The following FNDC3B variants were observed in gnomAD, a reference collection of about 807,000 sequenced individuals.
The protein encoded by FNDC3B is fibronectin type III domain containing 3B.
Under a neutral mutation model 151.5 loss-of-function variants are expected in FNDC3B, and 12 were observed. The ratio of observed to expected loss-of-function variants is 0.08; its 90% CI spans 0.05 to 0.13. The LOEUF is 0.13. Among genes scored for constraint, FNDC3B ranks in the 10% least tolerant of loss-of-function variants. FNDC3B has a pLI of 1.00. For synonymous variants in FNDC3B, 528 were observed against 549.0 expected (o/e 0.96, Z 0.54); for missense variants, 1,214 against 1,505.3 (o/e 0.81, Z 3.20).
chr3:172,219,704 G>C (rs1726172042), intron 3 of FNDC3B, among the ~76,000 whole-genome samples: 2 of 152,172 alleles, frequency 1.3e-5, no homozygotes, highest in African/African-American at 4.8e-5. Flanking sequence ...AATATTTCGT[G>C]TAAGTGGAAT....
intron 3 of FNDC3B, among the ~76,000 whole-genome samples, chr3:172,189,339 G>A (rs1724381107): frequency 6.6e-6 from 1 of 152,074 alleles, no homozygotes; most frequent in African/African-American, 2.4e-5. Context: ...CCCACCTCCA[G>A]CCCCCTCTGC....
intron 3 of FNDC3B, among the ~76,000 whole-genome samples, chr3:172,219,847 C>T (rs1726179487): frequency 6.6e-6 from 1 of 152,184 alleles, no homozygotes; most frequent in Non-Finnish European, 1.5e-5. Flanking sequence ...TTTATCCATC[C>T]TTCTCCTGAT....
chr3:172,316,031 G>A (rs1371217468), intron 11 of FNDC3B, among the ~76,000 whole-genome samples: 4 of 123,396 alleles, frequency 3.2e-5, no homozygotes, highest in African/African-American at 1.2e-4. Flanking sequence ...TTTTGAGATG[G>A]AGTTTTACTC....
intron 25 of FNDC3B, among the ~76,000 whole-genome samples, chr3:172,386,000 G>A (rs1338439299): frequency 6.6e-6 from 1 of 152,204 alleles, no homozygotes; most frequent in Admixed American, 6.5e-5. Context: ...TGTGGGGCAA[G>A]CAGCTGATTT....
chr3:172,385,562 T>C (rs945623950), intron 25 of FNDC3B, among the ~76,000 whole-genome samples: 1 of 148,882 alleles, frequency 6.7e-6, no homozygotes, highest in African/African-American at 2.5e-5. Flanking sequence ...AGACCTTTTT[T>C]CTTTTTTTTT....
intron 25 of FNDC3B, among the ~76,000 whole-genome samples, chr3:172,386,481 G>A (rs1735714348): frequency 6.6e-6 from 1 of 152,190 alleles, no homozygotes; most frequent in South Asian, 2.1e-4. Context: ...GGTGGCTTAC[G>A]CCTGTAATCC....
intron 11 of FNDC3B, among the ~76,000 whole-genome samples, chr3:172,323,653 T>C (rs1047034652): frequency 3.9e-5 from 6 of 152,248 alleles, no homozygotes; most frequent in Non-Finnish European, 8.8e-5. Flanking sequence ...TTCTCTGCTA[T>C]GTAGCCACAT....
chr3:172,254,394 G>A (rs1157127984), intron 6 of FNDC3B, among the ~76,000 whole-genome samples: 2 of 151,676 alleles, frequency 1.3e-5, no homozygotes, highest in African/African-American at 4.8e-5. Context: ...TGGGGATAAT[G>A]TATAATCAGC....
intron 15 of FNDC3B, 68 bp from the exon 16 acceptor site, chr3:172,337,262 C>T (rs1046536673): frequency 2.8e-6 from 3 of 1,075,716 alleles, no homozygotes; most frequent in Admixed American, 1.8e-5. Flanking sequence ...TTTTATGAGT[C>T]CTGATGATGT....
At chr3:172,180,781 A>G (rs1202186724) in intron 3 of FNDC3B, among the ~76,000 whole-genome samples, 1 of 152,218 alleles carries the variant, frequency 6.6e-6, no homozygotes, top group African/African-American at 2.4e-5. Context: ...TAGAATGGTT[A>G]TAAAATATGC....
intron 3 of FNDC3B, chr3:172,134,431 A>G (rs1304160235): frequency 7.7e-6 from 4 of 516,350 alleles, no homozygotes; most frequent in Non-Finnish European, 1.5e-5. Context: ...GGTAAATGGC[A>G]TGCAATTGAG....
intron 9 of FNDC3B, among the ~76,000 whole-genome samples, chr3:172,304,170 A>G (rs542790514): frequency 6.6e-6 from 1 of 152,284 alleles, no homozygotes; most frequent in African/African-American, 2.4e-5. Flanking sequence ...CCTAGGAAGT[A>G]TGGATTGCTG....
intron 3 of FNDC3B, among the ~76,000 whole-genome samples, chr3:172,213,917 G>A (rs1725848450): frequency 6.6e-6 from 1 of 152,204 alleles, no homozygotes; most frequent in Non-Finnish European, 1.5e-5. Flanking sequence ...TAGATGAAGG[G>A]TTGGTTTTTG....
chr3:172,056,980 T>G (rs1230451940), intron 1 of FNDC3B, among the ~76,000 whole-genome samples: 1 of 152,208 alleles, frequency 6.6e-6, no homozygotes. Context: ...AAAGCACATC[T>G]GAATGCCAAG....
intron 6 of FNDC3B, among the ~76,000 whole-genome samples, chr3:172,270,715 A>G (rs1382884333): frequency 6.6e-6 from 1 of 152,194 alleles, no homozygotes; most frequent in African/African-American, 2.4e-5. Flanking sequence ...ACTATATTGG[A>G]AACAGATTGG....
intron 22 of FNDC3B, among the ~76,000 whole-genome samples, chr3:172,361,752 T>C (rs1431898530): frequency 3.3e-5 from 5 of 152,180 alleles, no homozygotes; most frequent in African/African-American, 1.2e-4. Flanking sequence ...ATATCAATTT[T>C]CTTTTAGTTC....
chr3:172,390,830 A>T (rs1266691168), intron 25 of FNDC3B, among the ~76,000 whole-genome samples: 1 of 152,168 alleles, frequency 6.6e-6, no homozygotes, highest in Non-Finnish European at 1.5e-5. Context: ...GCAGAAACTG[A>T]GCAGGGAACT....
intron 3 of FNDC3B, among the ~76,000 whole-genome samples, chr3:172,174,400 T>G (rs750009182): frequency 6.6e-6 from 1 of 152,200 alleles, no homozygotes; most frequent in African/African-American, 2.4e-5. Context: ...CACACTATTA[T>G]TTTTAGCCTG....
chr3:172,106,011 GT>G (rs1719626725), intron 1 of FNDC3B, among the ~76,000 whole-genome samples: 1 of 152,226 alleles, frequency 6.6e-6, no homozygotes, highest in Admixed American at 6.5e-5. Flanking sequence ...GCTTTATGGA[GT>G]ACTTGGAATC....
Sources: allele counts gnomAD v4.1 joint callset (sites outside exome capture counted in the v4.1 genomes callset), GRCh38; gene constraint gnomAD v4.1.1; transcripts MANE v1.5; gene names NCBI Gene and HGNC (gene_info 2026-07-23, HGNC 2026-07-21).